ABCA12: variants seen among roughly 807,000 people sequenced by gnomAD.
The protein encoded by ABCA12 is glucosylceramide transporter ABCA12.
A neutral mutation model predicts 293.5 loss-of-function variants in ABCA12; 156 were observed. That is an observed-to-expected ratio of 0.53 (90% confidence interval 0.47 to 0.61). ABCA12 has a LOEUF of 0.61. ABCA12 is among the 20% of genes least tolerant of loss of function. The probability of loss-of-function intolerance (pLI) is 0.00; values close to 1 mark genes in which losing one functional copy is unlikely to be tolerated. For synonymous variants in ABCA12, 1,063 were observed against 1,108.0 expected, an observed-to-expected ratio of 0.96 and a Z score of 0.81; for missense variants, 2,797 against 3,090.2, an observed-to-expected ratio of 0.91 and a Z score of 2.25.
chr2:215,013,392 A>G (rs893335527), intron 15 of ABCA12, among the ~76,000 whole-genome samples: 1 of 152,218 alleles, frequency 6.6e-6, no homozygotes, highest in African/African-American at 2.4e-5. Flanking sequence ...TCAAAGACCA[A>G]GATTTTGAGC....
intron 39 of ABCA12, among the ~76,000 whole-genome samples, chr2:214,959,844 T>A (rs534608515): frequency 6.6e-6 from 1 of 152,268 alleles, no homozygotes; most frequent in East Asian, 1.9e-4. Context: ...AAGTCAAGAA[T>A]GAGCTGTCAA....
In ABCA12 at chr2:214,982,351, C is replaced by A; in HGVS notation, c.4415G>T (p.Arg1472Leu). 6.2e-7 allele frequency: 1 copy of A among 1,613,926 alleles called. No homozygotes were observed. Among genetic ancestry groups the A allele is most frequent in the Non-Finnish European group, 8.5e-7 (1 of 1,179,916 alleles). Residue 1472 changes from arginine (R) to leucine (L), a missense_variant, in exon 30 of 53, where the codon CGT becomes CTT. Coordinates refer to ENST00000272895, the MANE Select transcript of ABCA12 (RefSeq NM_173076.3). ...TGACAGTGTTCCAACTCTCTTATGACGATGGCTATATAGTCCAGTATCTTT... is the reference window on the plus strand; with the variant it reads ...TGACAGTGTTCCAACTCTCTTATGAAGATGGCTATATAGTCCAGTATCTTT... ...TLKDTGLYSH[R>L]HKRVGTLSGG...
chr2:214,975,667 T>G, intron 34 of ABCA12, 118 bp downstream of exon 34: 1 of 1,362,642 alleles, frequency 7.3e-7, no homozygotes, highest in South Asian at 1.2e-5. Flanking sequence ...TTTAGCAGAA[T>G]CAGGTACCAT....
In ABCA12 at chr2:214,932,708, A is replaced by G. The variant is rs767196449; in HGVS notation, c.7714T>C (p.Tyr2572His). ...TGGCTGCTGGTATCAGCAGTTTCAT[A>G]GGACTTCTGGTCTTTGGCAAAGTTG... ...FINFAKDQKSYETADTSSQGS... is the reference protein window; with the variant it reads ...FINFAKDQKSHETADTSSQGS... The change falls in exon 53 of 53, where the codon TAT (tyrosine) becomes CAT (histidine). Residue 2572 changes from tyrosine to histidine, a missense_variant. By Grantham distance (83) the Tyr-to-His change is moderately conservative. Around this residue, in one of 3 missense-constraint regions of ABCA12, gnomAD observed 2,130 missense variants for 2,427.0 expected, o/e 0.88. Coordinates refer to ENST00000272895, the MANE Select transcript of ABCA12 (RefSeq NM_173076.3). 1 of 1,613,694 alleles carries G rather than the reference A, an allele frequency of 6.2e-7. No individual in the cohort carries two copies. Among genetic ancestry groups the G allele is most frequent in the South Asian group, 1.1e-5 (1 of 91,084 alleles).
intron 2 of ABCA12, among the ~76,000 whole-genome samples, chr2:215,086,616 C>G (rs1702043533): frequency 6.6e-6 from 1 of 152,192 alleles, no homozygotes; most frequent in Non-Finnish European, 1.5e-5. Context: ...TTCCATTCAG[C>G]CTTGTGTCCC....
intron 1 of ABCA12, among the ~76,000 whole-genome samples, chr2:215,131,279 T>C (rs1456753961): frequency 6.7e-6 from 1 of 149,962 alleles, no homozygotes; most frequent in Non-Finnish European, 1.5e-5. Flanking sequence ...TCCTCTTCGA[T>C]TTTTTTTTGG....
rs1388145414 is a variant in ABCA12, at chr2:214,978,381, T to C, written c.5063A>G (p.Asn1688Ser). 3.9e-5 allele frequency: 63 copies of C among 1,614,028 alleles called. No homozygotes were observed. Among genetic ancestry groups the C allele is most frequent in the Non-Finnish European group, 5.3e-5 (63 of 1,179,946 alleles). ...GTCAGGAGTTGAGATGCCATTGGCA[T>C]TGGAATTCCCAATTTTCTTTTGTGT... is the stretch of plus-strand genomic sequence containing the variant. ...HLTQKKIGNSNANGISTPDDL... is the reference protein window; with the variant it reads ...HLTQKKIGNSSANGISTPDDL... Residue 1688 changes from asparagine (N) to serine (S), a missense_variant, in exon 33 of 53, where the codon AAT becomes AGT. Physicochemically the swap from Asn to Ser is conservative, Grantham distance 46. Around this residue, in one of 3 missense-constraint regions of ABCA12, gnomAD observed 2,130 missense variants for 2,427.0 expected, o/e 0.88. Coordinates refer to ENST00000272895, the MANE Select transcript of ABCA12 (RefSeq NM_173076.3).
At chr2:215,134,796 C>T (rs756631232) in intron 1 of ABCA12, among the ~76,000 whole-genome samples, 3 of 149,556 alleles carry the variant, frequency 2.0e-5, no homozygotes, top group Non-Finnish European at 3.0e-5. Context: ...TACAGGCATG[C>T]GCCACCATGC....
At chr2:215,026,101 G>C (rs991723028) in intron 10 of ABCA12, among the ~76,000 whole-genome samples, 1 of 152,120 alleles carries the variant, frequency 6.6e-6, no homozygotes, top group African/African-American at 2.4e-5. Context: ...GGAAAGAATA[G>C]GTTATAGAAT....
At chr2:215,057,053 A>G (rs1701433175) in intron 3 of ABCA12, among the ~76,000 whole-genome samples, 1 of 152,150 alleles carries the variant, frequency 6.6e-6, no homozygotes. Context: ...TGTCTTATTT[A>G]TCTTTATATT....
chr2:215,094,543 C>A (rs544628589), intron 2 of ABCA12, among the ~76,000 whole-genome samples: 191 of 152,264 alleles, frequency 1.3e-3, no homozygotes, highest in African/African-American at 4.4e-3. Flanking sequence ...ATCGTCGTTT[C>A]ACAACCTCTT....
intron 36 of ABCA12, among the ~76,000 whole-genome samples, chr2:214,972,232 T>C (rs1010098020): frequency 6.6e-6 from 1 of 152,006 alleles, no homozygotes; most frequent in African/African-American, 2.4e-5. Context: ...TACAGTATAA[T>C]TTTTTTTCTC....
intron 2 of ABCA12, chr2:215,080,724 C>T (rs1472603505): frequency 1.3e-5 from 2 of 153,060 alleles, no homozygotes; most frequent in African/African-American, 4.8e-5. Flanking sequence ...GGAGGCAGCC[C>T]AGTCAGCAGC....
chr2:215,095,323 C>T (rs1702229077), intron 2 of ABCA12, among the ~76,000 whole-genome samples: 1 of 152,170 alleles, frequency 6.6e-6, no homozygotes, highest in African/African-American at 2.4e-5. Flanking sequence ...CCTGGGTCCT[C>T]CCAATTCTTA....
intron 14 of ABCA12, 58 bp from the exon 15 acceptor site, chr2:215,015,721 A>C: frequency 3.2e-6 from 5 of 1,539,690 alleles, no homozygotes; most frequent in Non-Finnish European, 4.5e-6. Context: ...TCAACTGTTC[A>C]TTTTGTGAGG....
intron 2 of ABCA12, among the ~76,000 whole-genome samples, chr2:215,064,721 A>ACACG (rs1701607862): frequency 6.6e-6 from 1 of 151,606 alleles, no homozygotes; most frequent in East Asian, 1.9e-4. Flanking sequence ...ACACACACAC[A>ACACG]CACACACACA....
intron 1 of ABCA12, among the ~76,000 whole-genome samples, chr2:215,125,488 T>C (rs1702902622): frequency 6.6e-6 from 1 of 152,178 alleles, no homozygotes; most frequent in Non-Finnish European, 1.5e-5. Flanking sequence ...CAGTGTTTCC[T>C]AGTTTTCCTT....
At chr2:214,956,557 A>G in intron 42 of ABCA12, 106 bp downstream of exon 42, 1 of 811,768 alleles carries the variant, frequency 1.2e-6, no homozygotes, top group South Asian at 1.5e-5. Flanking sequence ...ATGTCAAATG[A>G]AACCCCAAGA....
In ABCA12 at chr2:214,983,816, A is replaced by T. The variant is rs778751805; in HGVS notation, c.4213T>A (p.Tyr1405Asn). The T allele has an allele frequency of 8.1e-6, 13 of 1,614,100 alleles. No individual in the cohort carries two copies. Among genetic ancestry groups the T allele is most frequent in the Non-Finnish European group, 1.1e-5 (13 of 1,180,006 alleles). ...AGGTCTGTTTTGATATCTTTTCCAT[A>T]TACAAAAATGGTGCCTGCTGAGGCC... ...FGASAGTIFV[Y>N]GKDIKTDLHT... The change falls in exon 29 of 53, where the codon TAT becomes AAT. Residue 1405 changes from tyrosine to asparagine, a missense_variant. This residue lies in a region of ABCA12 where 2,130 missense variants were observed against 2,427.0 expected (regional missense o/e 0.88). Transcript: ENST00000272895.
Sources: gnomAD v4.1 joint callset for allele counts (sites outside exome capture counted in the v4.1 genomes callset) on GRCh38, gnomAD v4.1.1 for gene constraint, gnomAD v4.1.1 regional missense constraint, MANE v1.5 for transcripts, NCBI Gene and HGNC (gene_info 2026-07-23, HGNC 2026-07-21) for gene names.